Variants in HS1BP3 observed in about 807,000 individuals in gnomAD.
HS1BP3 encodes HCLS1 binding protein 3.
HS1BP3 carries 32 observed loss-of-function variants against 33.5 expected under a neutral mutation model. That is an observed-to-expected ratio of 0.95 (90% CI 0.72 to 1.28). The LOEUF is 1.28. Among genes scored for constraint, HS1BP3 ranks in the 50% most tolerant of loss-of-function variants. The pLI is 0.00. For missense variants in HS1BP3, 486 were observed against 502.3 expected (o/e 0.97, Z 0.31); for synonymous variants, 187 against 209.2 (o/e 0.89, Z 0.92).
chr2:20,583,906 GT>G (rs1693620207), intron 5 of HS1BP3, among the ~76,000 whole-genome samples: 1 of 152,180 alleles, frequency 6.6e-6, no homozygotes, highest in Non-Finnish European at 1.5e-5. Context: ...CCTGCACAAT[GT>G]CAAATATATG....
chr2:20,584,201 C>T (rs574180790), intron 5 of HS1BP3, among the ~76,000 whole-genome samples: 2 of 152,340 alleles, frequency 1.3e-5, no homozygotes, highest in South Asian at 4.1e-4. Flanking sequence ...CCTGGTGCTG[C>T]TTCTAGAAAG....
chr2:20,638,513 G>A lies in HS1BP3; in HGVS notation c.546C>T (p.Pro182=), dbSNP rs34051285. ...CATCCTCGCCCTTCAGGCTCTGGAC[G>A]GGCGGACCCTCTTCTGCCACTTGGT... ...EQDQVAEEGP[P]VQSLKGEDAE... The change falls in exon 4 of 7, where the codon CCC becomes CCT. Residue 182 remains proline (P), a synonymous_variant. Transcript: ENST00000304031. The A allele has an allele frequency of 4.0e-3, 6,414 of 1,614,244 alleles. 244 individuals are homozygous for A. The African/African-American group carries it at 0.075, about 19-fold the overall frequency.
At chr2:20,601,465 TATCTC>T (rs1185613637) in intron 2 of HS1BP3, among the ~76,000 whole-genome samples, 1 of 152,206 alleles carries the variant, frequency 6.6e-6, no homozygotes, top group African/African-American at 2.4e-5. Flanking sequence ...ACCCCACCCA[TATCTC>T]ATCTTGAATT....
intron 5 of HS1BP3, among the ~76,000 whole-genome samples, chr2:20,585,059 C>T (rs1306358805): frequency 1.3e-5 from 2 of 152,200 alleles, no homozygotes; most frequent in Admixed American, 1.3e-4. Flanking sequence ...CTCATCACCT[C>T]CTCCCACCAA....
chr2:20,622,531 T>C (rs1414512242), intron 6 of HS1BP3: 1 of 345,814 alleles, frequency 2.9e-6, no homozygotes, highest in East Asian at 7.4e-5. Flanking sequence ...CCCTGCTTTT[T>C]GTGGCATTTC....
rs566584717 is a variant in HS1BP3, at chr2:20,599,045, G to A, written c.179-780C>T. ...TGGGGTGAGGTCGGTGGAAACCAGAGACAAGCGCAGGAGCCCACAACCTCA... is the reference window on the plus strand; with the variant it reads ...TGGGGTGAGGTCGGTGGAAACCAGAAACAAGCGCAGGAGCCCACAACCTCA... On this transcript the variant is annotated intron_variant, in intron 2 of 3. Coordinates refer to the HS1BP3 transcript ENST00000415264. 4.9e-3 allele frequency among the ~76,000 whole-genome samples: 751 copies of A among 152,348 alleles called. 6 individuals are homozygous for A. Among genetic ancestry groups the A allele is most frequent in the Non-Finnish European group, 6.1e-3 (417 of 68,028 alleles).
At chr2:20,648,055 G>A (rs980553602) in intron 1 of HS1BP3, among the ~76,000 whole-genome samples, 1 of 152,262 alleles carries the variant, frequency 6.6e-6, no homozygotes, top group Non-Finnish European at 1.5e-5. Flanking sequence ...TGCTCCTAAG[G>A]CCAACCTTCT....
chr2:20,647,179 C>T (rs894094521), intron 1 of HS1BP3, among the ~76,000 whole-genome samples: 31 of 152,154 alleles, frequency 2.0e-4, no homozygotes, highest in Admixed American at 1.3e-4. Context: ...AGCTCCCTCA[C>T]AGCACCCCAC....
chr2:20,563,988 G>A (rs1333429788), intron 5 of HS1BP3, among the ~76,000 whole-genome samples: 1 of 152,172 alleles, frequency 6.6e-6, no homozygotes, highest in Non-Finnish European at 1.5e-5. Flanking sequence ...AGTTGTGCAT[G>A]CATAATATTA....
intron 2 of HS1BP3, among the ~76,000 whole-genome samples, chr2:20,598,482 C>T (rs1282342991): frequency 1.3e-5 from 2 of 150,538 alleles, no homozygotes; most frequent in African/African-American, 2.4e-5. Flanking sequence ...CTTTACTGGC[C>T]TGCTGCTCAC....
intron 1 of HS1BP3, 54 bp from the exon 2 acceptor site, chr2:20,645,559 C>A: frequency 6.5e-7 from 1 of 1,544,020 alleles, no homozygotes. Flanking sequence ...GTAGGCTTCC[C>A]GAGCAAAGTG....
intron 5 of HS1BP3, among the ~76,000 whole-genome samples, 189 bp from the exon 6 acceptor site, chr2:20,624,220 G>A (rs1234265167): frequency 2.0e-5 from 3 of 152,106 alleles, no homozygotes; most frequent in African/African-American, 4.8e-5. Flanking sequence ...AGGGGCCCCC[G>A]GGGCCCTCGG....
chr2:20,640,907 G>A (rs778262238), intron 3 of HS1BP3, 66 bp downstream of exon 3: 3 of 1,502,202 alleles, frequency 2.0e-6, no homozygotes, highest in Non-Finnish European at 2.8e-6. Flanking sequence ...TCCCACTGGG[G>A]CACGGCAGCG....
At chr2:20,569,977 C>T (rs539736692) in intron 5 of HS1BP3, among the ~76,000 whole-genome samples, 2 of 152,356 alleles carry the variant, frequency 1.3e-5, no homozygotes, top group South Asian at 2.1e-4. Flanking sequence ...GGGCTGCCCC[C>T]AGCCCTGCCC....
intron 2 of HS1BP3, among the ~76,000 whole-genome samples, chr2:20,602,590 A>G (rs951756672): frequency 6.6e-6 from 1 of 152,162 alleles, no homozygotes; most frequent in African/African-American, 2.4e-5. Context: ...AATCCTTATG[A>G]TTGCTCATTT....
chr2:20,610,318 G>A (rs1371519735), intron 2 of HS1BP3, among the ~76,000 whole-genome samples: 1 of 152,108 alleles, frequency 6.6e-6, no homozygotes, highest in South Asian at 2.1e-4. Context: ...CACCATGAGA[G>A]TATCATACAG....
At chr2:20,559,737 T>C (rs1692943109), downstream of HS1BP3, among the ~76,000 whole-genome samples, 1 of 150,658 alleles carries the variant, frequency 6.6e-6, no homozygotes. Flanking sequence ...GATGGATGGA[T>C]GGATGGATGG....
chr2:20,564,539 AGTGGTATGAT>A (rs1462816185), intron 5 of HS1BP3, among the ~76,000 whole-genome samples: 7 of 151,988 alleles, frequency 4.6e-5, no homozygotes, highest in Non-Finnish European at 8.8e-5. Context: ...GCTGGAGTGC[AGTGGTATGAT>A]CTTGGCTGAC....
chr2:20,608,753 A>T lies in HS1BP3; in HGVS notation c.179-10488T>A, dbSNP rs914754246. Among the ~76,000 whole-genome samples, 10 of 152,074 alleles carry T rather than the reference A, an allele frequency of 6.6e-5. No individual in the cohort carries two copies. In the South Asian group the frequency reaches 2.1e-3, roughly 32 times the overall value. ...CTCACTCTGCTGCCCCAAGGAAACC[A>T]GTTCTCCAGCCTTTGCCACACTCAC... On this transcript the variant is annotated intron_variant, in intron 2 of 3. Transcript: ENST00000415264.
Sources: allele counts gnomAD v4.1 joint callset (sites outside exome capture counted in the v4.1 genomes callset), GRCh38; gene constraint gnomAD v4.1.1; transcripts MANE v1.5; gene names NCBI Gene and HGNC (gene_info 2026-07-23, HGNC 2026-07-21).